PPA2: variants seen among roughly 807,000 people sequenced by gnomAD.
PPA2 encodes the protein inorganic pyrophosphatase 2, mitochondrial.
A neutral mutation model predicts 49.5 loss-of-function variants in PPA2; 48 were observed. That is an observed-to-expected ratio of 0.97 (90% CI 0.77 to 1.23). The LOEUF (loss-of-function observed/expected upper bound fraction) is 1.23. Among genes scored for constraint, PPA2 ranks in the 50% most tolerant of loss-of-function variants. The probability of loss-of-function intolerance (pLI) is 0.00; values close to 1 mark genes in which losing one functional copy is unlikely to be tolerated. For missense variants in PPA2, 429 were observed against 410.1 expected, an observed-to-expected ratio of 1.05 and a Z score of -0.40; for synonymous variants, 131 against 139.9, an observed-to-expected ratio of 0.94 and a Z score of 0.45.
At chr4:105,384,523 T>C (rs892309908) in intron 10 of PPA2, among the ~76,000 whole-genome samples, 4 of 152,204 alleles carry the variant, frequency 2.6e-5, no homozygotes, top group Admixed American at 1.3e-4. Context: ...ATATTATTTA[T>C]GAATCTAAAA....
At position 105,449,203 on chromosome 4, in the gene PPA2, C is replaced by T. The variant is rs566553321; in HGVS notation, c.321+147G>A. The stretch of plus-strand genomic sequence containing the variant: ...CTGCACTCCAGCCTGGGCGACAGAG[C>T]GAGACTCCGTCTCAAAAAAAAAAAA... On this transcript the variant is annotated intron_variant, in intron 4 of 11. Coordinates refer to ENST00000341695, the MANE Select transcript of PPA2 (RefSeq NM_176869.3). The T allele has an allele frequency of 1.1e-4, 35 of 315,824 alleles. 1 individual carries two copies. Among genetic ancestry groups the T allele is most frequent in the Non-Finnish European group, 1.6e-4 (31 of 199,992 alleles). The allele number at this position is 315,824 out of a possible 1,614,324, so 19.6% of individuals were successfully genotyped here. A position where few individuals can be genotyped will look rare whatever the true frequency, so the allele number is the denominator to read the frequency against.
At chr4:105,460,435 A>G (rs1723037751) in intron 1 of PPA2, among the ~76,000 whole-genome samples, 1 of 152,174 alleles carries the variant, frequency 6.6e-6, no homozygotes, top group Admixed American at 6.5e-5. Context: ...TTTGGTATCC[A>G]AGGGGTTCTG....
At chr4:105,460,438 G>A (rs1245252345) in intron 1 of PPA2, among the ~76,000 whole-genome samples, 1 of 152,050 alleles carries the variant, frequency 6.6e-6, no homozygotes, top group Non-Finnish European at 1.5e-5. Context: ...GGTATCCAAG[G>A]GGTTCTGGAA....
intron 9 of PPA2, among the ~76,000 whole-genome samples, chr4:105,391,531 C>T (rs1055211802): frequency 3.1e-5 from 4 of 129,332 alleles, no homozygotes; most frequent in Admixed American, 8.6e-5. Flanking sequence ...AAACTCAATA[C>T]AAAGTATTAA....
chr4:105,398,761 G>T, intron 8 of PPA2: 2 of 236,396 alleles, frequency 8.5e-6, no homozygotes, highest in Non-Finnish European at 8.0e-6. Context: ...TACACAATTT[G>T]CAAAATTAGT....
chr4:105,470,711 A>G (rs116555322), intron 1 of PPA2, among the ~76,000 whole-genome samples: 2,433 of 152,360 alleles, frequency 0.016, 23 homozygotes, highest in Middle Eastern at 0.044. Flanking sequence ...TGAGACACTG[A>G]TAATTACACA....
intron 5 of PPA2, among the ~76,000 whole-genome samples, chr4:105,441,227 G>A (rs1389625744): frequency 6.6e-6 from 1 of 152,034 alleles, no homozygotes; most frequent in Non-Finnish European, 1.5e-5. Flanking sequence ...TTAGCTTCCA[G>A]ACTTTAGAAA....
intron 7 of PPA2, among the ~76,000 whole-genome samples, chr4:105,409,843 C>T (rs184251784): frequency 6.6e-6 from 1 of 152,226 alleles, no homozygotes; most frequent in African/African-American, 2.4e-5. Context: ...GGAAAACTAA[C>T]TAACAGAAAG....
intron 7 of PPA2, among the ~76,000 whole-genome samples, chr4:105,411,504 G>A (rs1029692822): frequency 1.3e-5 from 2 of 152,120 alleles, no homozygotes; most frequent in African/African-American, 4.8e-5. Flanking sequence ...GCAAAAACTG[G>A]AAGCATTCCC....
Position 105,396,328 on chromosome 4 carries a change from C to CA in PPA2, c.789dup (p.Ala264CysfsTer3). The CA allele has an allele frequency of 6.3e-7, 1 of 1,587,706 alleles. No individual in the cohort carries two copies. Among genetic ancestry groups the CA allele is most frequent in the Non-Finnish European group, 8.6e-7 (1 of 1,168,314 alleles). ...TGAGTGGATTTAATAACTTCAAGAG[C>CA]AAAAGCCTAGCTCCAAACAAACAAA... is the stretch of plus-strand genomic sequence containing the variant. On this transcript the variant is annotated frameshift_variant, in exon 9 of 12. Coordinates refer to ENST00000341695, the MANE Select transcript of PPA2 (RefSeq NM_176869.3). LOFTEE classifies it high-confidence loss of function.
At position 105,460,856 on chromosome 4, in the gene PPA2, C is replaced by CATATATATATATATATATATATATATAT. The variant is rs1491341057; in HGVS notation, c.158-4112_158-4111insATATATATATATATATATATATATATAT. Among the ~76,000 whole-genome samples the CATATATATATATATATATATATATATAT allele has an allele frequency of 2.7e-3, 373 of 139,088 alleles. 5 individuals are homozygous for CATATATATATATATATATATATATATAT. The highest frequency in any genetic ancestry group is 0.011 in the African/African-American group (342 of 30,600). The allele number at this position is 139,088 out of a possible 152,430, so 91.2% of individuals were successfully genotyped here. A position where few individuals can be genotyped will look rare whatever the true frequency, so the allele number is the denominator to read the frequency against. On this transcript the variant is annotated intron_variant, in intron 1 of 11. Transcript: ENST00000341695. ...CCCAATACTTATTAAGATGTAAGAT[C>CATATATATATATATATATATATATATAT]ACATATATATATAGTTTTCTAATTG...
At chr4:105,392,162 A>G (rs2636700) in intron 9 of PPA2, among the ~76,000 whole-genome samples, 100,110 of 152,046 alleles carry the variant, frequency 0.66, 33,067 homozygotes, top group East Asian at 0.71. Context: ...TCCCAGAATC[A>G]AGTTTAAAGT....
At chr4:105,404,741 T>G (rs1355358683) in intron 7 of PPA2, among the ~76,000 whole-genome samples, 2 of 152,198 alleles carry the variant, frequency 1.3e-5, no homozygotes, top group Non-Finnish European at 2.9e-5. Flanking sequence ...CAGCCAAAGT[T>G]ACACTTACAG....
intron 1 of PPA2, among the ~76,000 whole-genome samples, chr4:105,457,570 C>T (rs1279465864): frequency 3.3e-5 from 5 of 152,052 alleles, no homozygotes; most frequent in African/African-American, 1.2e-4. Flanking sequence ...GCAATGAGCA[C>T]ACCAGCAACC....
intron 6 of PPA2, among the ~76,000 whole-genome samples, chr4:105,431,658 G>A (rs1465866472): frequency 6.6e-6 from 1 of 152,102 alleles, no homozygotes; most frequent in Non-Finnish European, 1.5e-5. Context: ...ATTCATAATA[G>A]CCAAGTGGTA....
chr4:105,385,197 C>T (rs1213666361), intron 10 of PPA2, among the ~76,000 whole-genome samples: 1 of 152,188 alleles, frequency 6.6e-6, no homozygotes, highest in Non-Finnish European at 1.5e-5. Flanking sequence ...ATTTTATCCC[C>T]TTGTCCCTGC....
chr4:105,433,286 T>C (rs1033750627), intron 6 of PPA2, among the ~76,000 whole-genome samples: 1 of 152,196 alleles, frequency 6.6e-6, no homozygotes, highest in Non-Finnish European at 1.5e-5. Flanking sequence ...TAACCATTGT[T>C]TACAGCATTC....
intron 10 of PPA2, among the ~76,000 whole-genome samples, chr4:105,382,461 T>A (rs559515830): frequency 6.6e-5 from 10 of 152,182 alleles, no homozygotes; most frequent in South Asian, 6.2e-4. Context: ...TAACCCCCAA[T>A]AGTCAAATCA....
intron 10 of PPA2, 83 bp downstream of exon 10, chr4:105,386,484 C>A: frequency 7.8e-7 from 1 of 1,287,782 alleles, no homozygotes; most frequent in Admixed American, 1.9e-5. Flanking sequence ...TGACACATTT[C>A]ATTGCTAGAG....
Sources: allele counts gnomAD v4.1 joint callset (sites outside exome capture counted in the v4.1 genomes callset), GRCh38; gene constraint gnomAD v4.1.1; transcripts MANE v1.5; gene names NCBI Gene and HGNC (gene_info 2026-07-23, HGNC 2026-07-21).